Variants in CDH23 observed in about 807,000 individuals in gnomAD.
The protein encoded by CDH23 is cadherin-23.
CDH23 carries 189 observed loss-of-function variants against 317.1 expected under a neutral mutation model. The ratio of observed to expected loss-of-function variants is 0.60; its 90% CI spans 0.53 to 0.67. CDH23 has a LOEUF of 0.67. Among genes scored for constraint, CDH23 ranks in the 30% least tolerant of loss-of-function variants. The pLI is 0.00. For synonymous variants in CDH23, 1,839 were observed against 1,876.8 expected, an observed-to-expected ratio of 0.98 and a Z score of 0.52; for missense variants, 4,401 against 4,592.4, an observed-to-expected ratio of 0.96 and a Z score of 1.20.
chr10:71,782,008 T>G (rs1354153988), intron 41 of CDH23, among the ~76,000 whole-genome samples: 1 of 152,186 alleles, frequency 6.6e-6, no homozygotes, highest in African/African-American at 2.4e-5. Flanking sequence ...GGTTTCACAG[T>G]GCACCACTGC....
intron 14 of CDH23, among the ~76,000 whole-genome samples, chr10:71,660,023 C>T (rs1026354744): frequency 7.1e-5 from 10 of 140,736 alleles, no homozygotes; most frequent in African/African-American, 1.3e-4. Flanking sequence ...TACCATAGTG[C>T]GATCTTGGCT....
chr10:71,737,741 C>T (rs760109379), intron 34 of CDH23: 19 of 470,206 alleles, frequency 4.0e-5, no homozygotes, highest in Non-Finnish European at 4.0e-5. Flanking sequence ...TGATTCCAGC[C>T]GCAGTGGCCT....
At chr10:71,768,017 G>A (rs1277129723) in intron 38 of CDH23, among the ~76,000 whole-genome samples, 1 of 152,212 alleles carries the variant, frequency 6.6e-6, no homozygotes, top group Non-Finnish European at 1.5e-5. Flanking sequence ...GGAGGACTGT[G>A]TGCAGCTCAG....
At chr10:71,439,943 A>C in intron 2 of CDH23, 45 bp downstream of exon 2, 4 of 1,471,816 alleles carry the variant, frequency 2.7e-6, no homozygotes, top group Non-Finnish European at 3.7e-6. Flanking sequence ...CAGCCTCTGC[A>C]CGGGAGGCCA....
At chr10:71,720,357 C>T (rs916873034) in intron 28 of CDH23, among the ~76,000 whole-genome samples, 1 of 151,952 alleles carries the variant, frequency 6.6e-6, no homozygotes, top group African/African-American at 2.4e-5. Flanking sequence ...GACGGACCTC[C>T]AAGGCCATGC....
At chr10:71,667,889 G>A (rs1863981628) in intron 14 of CDH23, among the ~76,000 whole-genome samples, 2 of 152,064 alleles carry the variant, frequency 1.3e-5, no homozygotes, top group Non-Finnish European at 2.9e-5. Context: ...AAGATGAAGG[G>A]GGACTACATG....
chr10:71,755,217 G>A (rs759697694), intron 38 of CDH23: 11 of 830,538 alleles, frequency 1.3e-5, no homozygotes, highest in Non-Finnish European at 2.1e-5. Context: ...CCAGCTCCTG[G>A]CGGGAAGTGC....
Position 71,646,502 on chromosome 10 carries a change from A to C in CDH23, c.1334A>C (p.Lys445Thr). ...ESVPDHVGYAKVKITLINEND... is the reference protein window; with the variant it reads ...ESVPDHVGYATVKITLINEND... Reference sequence around the variant, plus strand: ...GTGCCTGACCATGTGGGCTATGCCAAGGTGAAGATCACTCTCATCAATGAA... The same window carrying C: ...GTGCCTGACCATGTGGGCTATGCCACGGTGAAGATCACTCTCATCAATGAA... Residue 445 changes from lysine to threonine, a missense_variant, in exon 14 of 70, where the codon AAG becomes ACG. Transcript: ENST00000224721. 6.2e-7 allele frequency: 1 copy of C among 1,613,928 alleles called. No individual in the cohort carries two copies. Among genetic ancestry groups the C allele is most frequent in the East Asian group, 2.2e-5 (1 of 44,860 alleles).
At chr10:71,465,757 G>A (rs1038375806) in intron 3 of CDH23, among the ~76,000 whole-genome samples, 2 of 152,224 alleles carry the variant, frequency 1.3e-5, no homozygotes, top group African/African-American at 2.4e-5. Context: ...AGTCCTGTCA[G>A]GTAGCCGCGC....
rs1487599802 is a variant in CDH23, at chr10:71,759,818, T to TACACAC, written c.4846-17861_4846-17860insCACACA. On this transcript the variant is annotated intron_variant, in intron 38 of 69. Transcript: ENST00000224721. ...CAGAGTGAAACCGTGTTTCAGAAAA[T>TACACAC]ATACACACACACACACACACACACA... Among the ~76,000 whole-genome samples, 303 of 50,808 alleles carry TACACAC rather than the reference T, an allele frequency of 6.0e-3. 48 individuals are homozygous for TACACAC. The highest frequency in any genetic ancestry group is 0.023 in the South Asian group (44 of 1,882). The allele number at this position is 50,808 out of a possible 152,430, so 33.3% of individuals were successfully genotyped here.
intron 27 of CDH23, among the ~76,000 whole-genome samples, chr10:71,710,801 C>T (rs182664048): frequency 4.1e-4 from 63 of 152,358 alleles, no homozygotes; most frequent in Non-Finnish European, 5.1e-4. Context: ...CACAAGCATG[C>T]GTGCATGCAC....
chr10:71,811,691 G>T, intron 64 of CDH23, 22 bp from the exon 65 acceptor site: 1 of 1,611,688 alleles, frequency 6.2e-7, no homozygotes, highest in East Asian at 2.2e-5. Flanking sequence ...CCCCTCACCA[G>T]CCCCTCTCTG....
intron 38 of CDH23, among the ~76,000 whole-genome samples, chr10:71,767,175 A>G (rs1840567947): frequency 6.6e-6 from 1 of 152,202 alleles, no homozygotes; most frequent in Non-Finnish European, 1.5e-5. Flanking sequence ...TCTTCTCAGA[A>G]TGCCAGTTTT....
intron 6 of CDH23, among the ~76,000 whole-genome samples, chr10:71,551,902 C>T (rs1589196515): frequency 1.3e-5 from 2 of 152,208 alleles, no homozygotes; most frequent in Admixed American, 1.3e-4. Context: ...GCCTTTAGAG[C>T]TCTCAGGACC....
intron 22 of CDH23, among the ~76,000 whole-genome samples, chr10:71,696,755 G>A (rs1170059207): frequency 1.3e-5 from 2 of 152,236 alleles, no homozygotes; most frequent in African/African-American, 2.4e-5. Context: ...GTGGAATAGG[G>A]CAGAGGTGAG....
intron 3 of CDH23, among the ~76,000 whole-genome samples, chr10:71,468,707 C>A (rs1335532129): frequency 6.6e-6 from 1 of 152,202 alleles, no homozygotes; most frequent in Non-Finnish European, 1.5e-5. Context: ...GATTCCTATA[C>A]CCTCCCTTTG....
chr10:71,414,036 G>T (rs1589276161), intron 1 of CDH23, among the ~76,000 whole-genome samples: 1 of 142,484 alleles, frequency 7.0e-6, no homozygotes, highest in Non-Finnish European at 1.5e-5. Context: ...GAATTTATTA[G>T]CTCCTGGGTT....
chr10:71,666,957 T>C (rs1041828063), intron 14 of CDH23, among the ~76,000 whole-genome samples: 1 of 152,262 alleles, frequency 6.6e-6, no homozygotes, highest in African/African-American at 2.4e-5. Context: ...CATTCTCCCA[T>C]GTAAATTTCT....
intron 2 of CDH23, 62 bp downstream of exon 2, chr10:71,439,960 A>C: frequency 7.5e-7 from 1 of 1,332,722 alleles, no homozygotes; most frequent in East Asian, 2.5e-5. Flanking sequence ...GCCAGGCTGG[A>C]GGGTGTTGGG....
Sources: gnomAD v4.1 joint callset for allele counts (sites outside exome capture counted in the v4.1 genomes callset) on GRCh38, gnomAD v4.1.1 for gene constraint, MANE v1.5 for transcripts, NCBI Gene and HGNC (gene_info 2026-07-23, HGNC 2026-07-21) for gene names.